The following ZNF107 variants were observed in gnomAD, a reference collection of about 807,000 sequenced individuals.
ZNF107 encodes C2H2 type zinc-finger protein.
Under a neutral mutation model 12.3 loss-of-function variants are expected in ZNF107, and 19 were observed. The observed-to-expected ratio is 1.55, with a 90% CI of 1.08 to 2.27. ZNF107 has a LOEUF of 2.27. Among genes scored for constraint, ZNF107 ranks in the 30% most tolerant of loss-of-function variants. The pLI is 0.00. For synonymous variants in ZNF107, 317 were observed against 330.5 expected (o/e 0.96, Z 0.44); for missense variants, 958 against 979.9 (o/e 0.98, Z 0.30).
At chr7:64,668,468 C>G (rs987783322) in intron 1 of ZNF107, among the ~76,000 whole-genome samples, 2 of 151,176 alleles carry the variant, frequency 1.3e-5, no homozygotes, top group African/African-American at 4.9e-5. Flanking sequence ...CCTGCAAAGG[C>G]CATGAACTCA....
Position 64,708,896 on chromosome 7 carries a change from C to A in ZNF107, c.*240C>A. The A allele has an allele frequency of 1.7e-6, 1 of 591,236 alleles. No homozygotes were observed. The highest frequency in any genetic ancestry group is 2.9e-5 in the East Asian group (1 of 34,428). 36.6% of individuals were successfully genotyped at this position (591,236 alleles called of 1,614,324 possible). A position where few individuals can be genotyped will look rare whatever the true frequency, so the allele number is the denominator to read the frequency against. ...AATCCTACAAATGTGAAAAATGTGG[C>A]AAATCCTTTAACTGATCCTCAACTT... On this transcript the variant is annotated 3_prime_UTR_variant, in exon 4 of 4. Coordinates refer to ENST00000620827, the MANE Select transcript of ZNF107 (RefSeq NM_001282359.2).
intron 3 of ZNF107, 63 bp downstream of exon 3, chr7:64,692,023 A>G: frequency 2.7e-6 from 3 of 1,123,982 alleles, no homozygotes; most frequent in Non-Finnish European, 3.6e-6. Context: ...GTCAAAGAAA[A>G]AGCCAGTCCT....
At chr7:64,693,819 G>A (rs956737158) in intron 3 of ZNF107, among the ~76,000 whole-genome samples, 6 of 151,668 alleles carry the variant, frequency 4.0e-5, no homozygotes, top group Admixed American at 2.6e-4. Flanking sequence ...ATGGAGTTTC[G>A]CTTTTCTTGC....
intron 1 of ZNF107, among the ~76,000 whole-genome samples, chr7:64,679,565 C>T (rs2128958597): frequency 6.6e-6 from 1 of 152,244 alleles, no homozygotes; most frequent in East Asian, 2.0e-4. Flanking sequence ...CCTCGTTTCT[C>T]TCTCCCTGTC....
chr7:64,707,479 CT>C lies in ZNF107; in HGVS notation c.1386del (p.Phe462LeufsTer7), dbSNP rs1259652924. The stretch of plus-strand genomic sequence containing the variant: ...TATAAATGTGAAGAATGTGGCAAAG[CT>C]TTTAACCAACACTCAAACCTAATTA... The part of the protein sequence containing the change: ...KSYKCEECGK[A>X]FNQHSNLINH... On this transcript the variant is annotated frameshift_variant, in exon 4 of 4. Coordinates refer to ENST00000620827, the MANE Select transcript of ZNF107 (RefSeq NM_001282359.2). LOFTEE classifies it low-confidence loss of function (END_TRUNC). 6.2e-7 allele frequency: 1 copy of C among 1,613,366 alleles called. No homozygotes were observed. Among genetic ancestry groups the C allele is most frequent in the East Asian group, 2.2e-5 (1 of 44,820 alleles).
intron 1 of ZNF107, among the ~76,000 whole-genome samples, chr7:64,669,974 T>C (rs1342730125): frequency 6.6e-6 from 1 of 152,046 alleles, no homozygotes. Context: ...AAGGCCCAGT[T>C]AGTTCTTTCT....
In ZNF107 at chr7:64,708,702, G is replaced by GA; in HGVS notation, c.*49dup. ...CACATAGGAAAATTCATACTGGAGA[G>GA]AAACTACAAATGTGAAGAATGTGTT... On this transcript the variant is annotated 3_prime_UTR_variant, in exon 4 of 4. Transcript: ENST00000620827. The GA allele has an allele frequency of 6.5e-7, 1 of 1,529,296 alleles. No individual in the cohort carries two copies. The highest frequency in any genetic ancestry group is 8.8e-7 in the Non-Finnish European group (1 of 1,130,226). 94.7% of individuals were successfully genotyped at this position (1,529,296 alleles called of 1,614,324 possible).
At chr7:64,694,788 G>A (rs1006393034) in intron 3 of ZNF107, among the ~76,000 whole-genome samples, 1 of 151,748 alleles carries the variant, frequency 6.6e-6, no homozygotes, top group African/African-American at 2.4e-5. Flanking sequence ...ATACATTTTT[G>A]TTTTTTATTT....
chr7:64,687,690 G>A, intron 1 of ZNF107: 1 of 469,666 alleles, frequency 2.1e-6, no homozygotes, highest in Non-Finnish European at 2.8e-6. Flanking sequence ...AACTATGTAT[G>A]ACATGTGCTG....
At chr7:64,693,400 T>C (rs1790186201) in intron 3 of ZNF107, among the ~76,000 whole-genome samples, 1 of 151,862 alleles carries the variant, frequency 6.6e-6, no homozygotes, top group South Asian at 2.1e-4. Context: ...ACAATATAGT[T>C]TTGCACTGGT....
intron 3 of ZNF107, among the ~76,000 whole-genome samples, chr7:64,697,406 A>G (rs544911872): frequency 6.6e-6 from 1 of 152,300 alleles, no homozygotes; most frequent in East Asian, 1.9e-4. Flanking sequence ...GACTTCCACA[A>G]TGGTTGAACT....
At chr7:64,689,080 C>T (rs1045849494) in intron 1 of ZNF107, among the ~76,000 whole-genome samples, 11 of 152,154 alleles carry the variant, frequency 7.2e-5, no homozygotes, top group Non-Finnish European at 1.3e-4. Context: ...CTCAAATAAA[C>T]TCTCTACTTA....
At chr7:64,696,682 T>A (rs1457927213) in intron 3 of ZNF107, among the ~76,000 whole-genome samples, 1 of 152,212 alleles carries the variant, frequency 6.6e-6, no homozygotes, top group Non-Finnish European at 1.5e-5. Context: ...CACTTTTGGT[T>A]TTTATGAGTG....
rs1322883034 is a variant in ZNF107 at position 64,709,796 on chromosome 7, G to A, written c.*1140G>A. On this transcript the variant is annotated 3_prime_UTR_variant, in exon 4 of 4. Transcript: ENST00000620827. ...TAAAAGCATTATAAATGCAATTTTT[G>A]TCAAGAGATCTTTCAGAAAATATAA... The A allele has an allele frequency of 2.2e-6, 1 of 448,566 alleles. No individual in the cohort carries two copies. Among genetic ancestry groups the A allele is most frequent in the Non-Finnish European group, 4.4e-6 (1 of 225,140 alleles). 27.8% of individuals were successfully genotyped at this position (448,566 alleles called of 1,614,324 possible). A position where few individuals can be genotyped will look rare whatever the true frequency, so the allele number is the denominator to read the frequency against.
At chr7:64,677,963 G>A (rs1187661072) in intron 1 of ZNF107, among the ~76,000 whole-genome samples, 1 of 151,528 alleles carries the variant, frequency 6.6e-6, no homozygotes, top group Non-Finnish European at 1.5e-5. Context: ...ATTCTCCTAT[G>A]TGAAAAATAA....
At chr7:64,705,991 G>C (rs897278785) in intron 3 of ZNF107, among the ~76,000 whole-genome samples, 1 of 151,308 alleles carries the variant, frequency 6.6e-6, no homozygotes, top group African/African-American at 2.4e-5. Flanking sequence ...ACTAAGAGTT[G>C]GCAATTTACT....
rs528932276 is a variant in ZNF107, at chr7:64,710,754, A to G, written c.*2098A>G. On this transcript the variant is annotated 3_prime_UTR_variant, in exon 4 of 4. Coordinates refer to ENST00000620827, the MANE Select transcript of ZNF107 (RefSeq NM_001282359.2). The stretch of plus-strand genomic sequence containing the variant: ...TTTTCATGCATCAAAGATATGAGAA[A>G]TCATTTCTGTTAGGTCGGTATTATT... 6.6e-6 allele frequency: 1 copy of G among 152,282 alleles called. No homozygotes were observed. The highest frequency in any genetic ancestry group is 2.1e-4 in the South Asian group (1 of 4,832). 9.4% of individuals were successfully genotyped at this position (152,282 alleles called of 1,614,324 possible).
intron 1 of ZNF107, among the ~76,000 whole-genome samples, chr7:64,670,255 T>C (rs548574629): frequency 6.6e-6 from 1 of 152,276 alleles, no homozygotes; most frequent in South Asian, 2.1e-4. Context: ...TCTTTAAGAA[T>C]TGCAAAGTTT....
Position 64,675,241 on chromosome 7 carries a change from TG to T in ZNF107, c.3+8958del, listed in dbSNP as rs200545101. Among the ~76,000 whole-genome samples the T allele has an allele frequency of 2.6e-3, 399 of 152,302 alleles. 1 individual carries two copies. Among genetic ancestry groups the T allele is most frequent in the African/African-American group, 9.2e-3 (383 of 41,570 alleles). On this transcript the variant is annotated intron_variant, in intron 1 of 3. Transcript: ENST00000620827. ...AATCTCTCTGGTCCTGAGCCTTTTTTGGTTGCTTGGCTATTTATTAGTAATT... is the reference window on the plus strand; with the variant it reads ...AATCTCTCTGGTCCTGAGCCTTTTTTGTTGCTTGGCTATTTATTAGTAATT...
Sources: allele counts gnomAD v4.1 joint callset (sites outside exome capture counted in the v4.1 genomes callset), GRCh38; gene constraint gnomAD v4.1.1; transcripts MANE v1.5; gene names NCBI Gene and HGNC (gene_info 2026-07-23, HGNC 2026-07-21).